The following GLP2R variants were observed in gnomAD, a reference collection of about 807,000 sequenced individuals.
GLP2R encodes glucagon-like peptide 2 receptor.
In GLP2R, 59 loss-of-function variants were observed where a neutral mutation model predicts 68.2. The observed-to-expected ratio is 0.87, with a 90% CI of 0.70 to 1.07. The LOEUF (loss-of-function observed/expected upper bound fraction) is 1.07, where lower values mean the gene tolerates loss of function less well. Ranked by LOEUF, GLP2R falls within the 50% of genes least tolerant of loss-of-function variation. The pLI is 0.00. For missense variants in GLP2R, 548 were observed against 677.4 expected (o/e 0.81, Z 2.12); for synonymous variants, 270 against 265.4 (o/e 1.02, Z -0.17).
At position 9,889,913 on chromosome 17, in the gene GLP2R, A is replaced by C; in HGVS notation, c.*208A>C. 1.6e-6 allele frequency: 1 copy of C among 641,058 alleles called. No homozygotes were observed. Among genetic ancestry groups the C allele is most frequent in the East Asian group, 3.1e-5 (1 of 32,264 alleles). The allele number at this position is 641,058 out of a possible 1,614,324, so 39.7% of individuals were successfully genotyped here. ...CTCACAGCCTCTGCCTGCTCTTCTC[A>C]TCCTAATAACCCCCACCAGTGTGTT... On this transcript the variant is annotated 3_prime_UTR_variant, in exon 13 of 13. Transcript: ENST00000262441.
In GLP2R at chr17:9,836,469, A is replaced by G. The variant is rs1301696625; in HGVS notation, c.376A>G (p.Ser126Gly). The change falls in exon 3 of 13, where the codon AGT becomes GGT. Residue 126 changes from serine (S) to glycine (G), a missense_variant. Ser to Gly is a moderately conservative substitution (Grantham distance 56, BLOSUM62 0). Transcript: ENST00000262441. ...CTGCCCTTCATACTTACCTTGGTGG[A>G]GTGAAGGTAATAAGTCTTATTTTTA... ...VPCPSYLPWW[S>G]EESSGRAYRH... 1 of 1,579,200 alleles carries G rather than the reference A, an allele frequency of 6.3e-7. No individual in the cohort carries two copies. The highest frequency in any genetic ancestry group is 1.3e-5 in the African/African-American group (1 of 74,218).
chr17:9,845,172 C>T (rs1266037314), intron 4 of GLP2R, among the ~76,000 whole-genome samples: 2 of 152,018 alleles, frequency 1.3e-5, no homozygotes, highest in Non-Finnish European at 2.9e-5. Flanking sequence ...GATCCTCCCA[C>T]CTCAGCCTCC....
intron 9 of GLP2R, among the ~76,000 whole-genome samples, chr17:9,867,758 A>G (rs144219221): frequency 1.2e-4 from 19 of 152,264 alleles, no homozygotes; most frequent in Non-Finnish European, 2.5e-4. Context: ...AATTGAATGA[A>G]CCATCTGTTG....
chr17:9,860,532 C>T (rs991728109), intron 7 of GLP2R, among the ~76,000 whole-genome samples: 1 of 152,168 alleles, frequency 6.6e-6, no homozygotes, highest in Non-Finnish European at 1.5e-5. Flanking sequence ...TTCCTGTATT[C>T]TCACATGGTG....
chr17:9,880,744 G>A (rs538538068), intron 11 of GLP2R, among the ~76,000 whole-genome samples: 8 of 152,200 alleles, frequency 5.3e-5, no homozygotes, highest in Non-Finnish European at 1.2e-4. Context: ...TCTCTTTCCT[G>A]GGTGGTAATA....
chr17:9,850,557 TG>T (rs2066881717), intron 4 of GLP2R, among the ~76,000 whole-genome samples: 1 of 152,194 alleles, frequency 6.6e-6, no homozygotes, highest in African/African-American at 2.4e-5. Context: ...CCCTTGGTCT[TG>T]GGGTTAGTTG....
chr17:9,889,341 A>T, intron 12 of GLP2R, 29 bp from the exon 13 acceptor site: 1 of 1,509,112 alleles, frequency 6.6e-7, no homozygotes. Context: ...ACTCCAAGAC[A>T]GTAACCTCTC....
intron 11 of GLP2R, among the ~76,000 whole-genome samples, chr17:9,883,973 GT>G (rs925902530): frequency 7.9e-5 from 12 of 151,938 alleles, no homozygotes; most frequent in Admixed American, 2.6e-4. Flanking sequence ...CTATGTGTAG[GT>G]TTTTTTTCTC....
chr17:9,836,294 C>A, intron 2 of GLP2R, 77 bp from the exon 3 acceptor site: 1 of 965,830 alleles, frequency 1.0e-6, no homozygotes, highest in South Asian at 1.3e-5. Context: ...GGTGGGCTCC[C>A]ACGGTGCCTC....
intron 3 of GLP2R, among the ~76,000 whole-genome samples, chr17:9,837,588 A>G (rs577194254): frequency 6.6e-6 from 1 of 152,308 alleles, no homozygotes; most frequent in Non-Finnish European, 1.5e-5. Flanking sequence ...TTTAACTCCC[A>G]TGGGACTTGG....
chr17:9,829,979 G>A (rs556892016), intron 1 of GLP2R, among the ~76,000 whole-genome samples: 2 of 152,348 alleles, frequency 1.3e-5, no homozygotes, highest in South Asian at 4.1e-4. Flanking sequence ...AAGGGAAAAG[G>A]AATCAAGGTC....
intron 10 of GLP2R, among the ~76,000 whole-genome samples, chr17:9,878,960 T>A (rs908552452): frequency 8.6e-5 from 13 of 151,960 alleles, no homozygotes; most frequent in Non-Finnish European, 1.6e-4. Context: ...ACAATTACGC[T>A]CCTCTTTCCC....
chr17:9,832,791 C>T (rs924167653), intron 1 of GLP2R, among the ~76,000 whole-genome samples: 2 of 152,088 alleles, frequency 1.3e-5, no homozygotes, highest in African/African-American at 4.8e-5. Flanking sequence ...AGGTACACAA[C>T]TAGAAGCTGT....
At chr17:9,838,574 A>G (rs535450034) in intron 3 of GLP2R, among the ~76,000 whole-genome samples, 2 of 152,184 alleles carry the variant, frequency 1.3e-5, no homozygotes, top group Non-Finnish European at 2.9e-5. Context: ...ATTCCACTGT[A>G]AGAGAAAATG....
At chr17:9,887,227 G>T (rs2067250871) in intron 11 of GLP2R, among the ~76,000 whole-genome samples, 1 of 150,608 alleles carries the variant, frequency 6.6e-6, no homozygotes, top group South Asian at 2.1e-4. Context: ...TGCAAGTCAG[G>T]CAAAGAAAAA....
intron 9 of GLP2R, among the ~76,000 whole-genome samples, chr17:9,868,856 T>C (rs568420773): frequency 6.6e-6 from 1 of 152,354 alleles, no homozygotes; most frequent in African/African-American, 2.4e-5. Flanking sequence ...CTTTCTGCTG[T>C]TAAGCTTGCT....
At chr17:9,840,283 C>G (rs547137021) in intron 3 of GLP2R, among the ~76,000 whole-genome samples, 1 of 152,306 alleles carries the variant, frequency 6.6e-6, no homozygotes, top group East Asian at 1.9e-4. Flanking sequence ...CCTCTGAGGC[C>G]TCTTCTATAC....
At chr17:9,835,230 T>C (rs1448844933) in intron 2 of GLP2R, among the ~76,000 whole-genome samples, 2 of 152,210 alleles carry the variant, frequency 1.3e-5, no homozygotes, top group South Asian at 2.1e-4. Flanking sequence ...GGTTTCACCA[T>C]GTTGGCCAGG....
intron 4 of GLP2R, among the ~76,000 whole-genome samples, chr17:9,850,716 G>T (rs1380486161): frequency 1.7e-5 from 2 of 115,766 alleles, no homozygotes; most frequent in Non-Finnish European, 1.6e-5. Flanking sequence ...TTTTGAGCCG[G>T]GATCTCTCTC....
Sources: gnomAD v4.1 joint callset for allele counts (sites outside exome capture counted in the v4.1 genomes callset) on GRCh38, gnomAD v4.1.1 for gene constraint, MANE v1.5 for transcripts, NCBI Gene and HGNC (gene_info 2026-07-23, HGNC 2026-07-21) for gene names.